ROCK1: variants seen among roughly 807,000 people sequenced by gnomAD.
ROCK1 encodes the protein rho-associated protein kinase 1.
ROCK1 carries 36 observed loss-of-function variants against 196.8 expected under a neutral mutation model. The ratio of observed to expected loss-of-function variants is 0.18; its 90% confidence interval spans 0.14 to 0.24. The LOEUF is 0.24. Among genes scored for constraint, ROCK1 ranks in the 10% least tolerant of loss-of-function variants. The pLI, the probability that ROCK1 is intolerant of heterozygous loss-of-function variation, is 1.00. For synonymous variants in ROCK1, 443 were observed against 515.9 expected (o/e 0.86, Z 1.91); for missense variants, 920 against 1,562.0 (o/e 0.59, Z 6.93).
chr18:20,959,136 ATATTATATAAAATATATATATTATATAT>A (rs2143335521), intron 29 of ROCK1, among the ~76,000 whole-genome samples: 2 of 63,690 alleles, frequency 3.1e-5, no homozygotes, highest in African/African-American at 1.6e-4. Context: ...TATATTATAT[ATATTATATAAAATATATATATTATATAT>A]TATATAATAT....
intron 1 of ROCK1, among the ~76,000 whole-genome samples, chr18:21,070,876 CT>C (rs1033240951): frequency 1.8e-4 from 28 of 152,256 alleles, no homozygotes; most frequent in African/African-American, 6.3e-4. Context: ...AATCCATGCA[CT>C]TTTCCCCTCA....
At chr18:21,087,500 T>C (rs1235826566) in intron 1 of ROCK1, among the ~76,000 whole-genome samples, 1 of 152,024 alleles carries the variant, frequency 6.6e-6, no homozygotes, top group Non-Finnish European at 1.5e-5. Context: ...CATGCAAATA[T>C]TAATCAAAAG....
intron 1 of ROCK1, among the ~76,000 whole-genome samples, chr18:21,106,371 C>T (rs527398030): frequency 1.3e-5 from 2 of 152,272 alleles, no homozygotes; most frequent in South Asian, 2.1e-4. Flanking sequence ...GGCACAATCT[C>T]GGCTCACTGC....
At chr18:21,069,949 A>C (rs1413840909) in intron 2 of ROCK1, among the ~76,000 whole-genome samples, 1 of 152,040 alleles carries the variant, frequency 6.6e-6, no homozygotes. Flanking sequence ...AAAATCAAAA[A>C]GATATGACTA....
chr18:21,072,681 C>CCA (rs779445369), intron 1 of ROCK1, among the ~76,000 whole-genome samples: 4 of 152,162 alleles, frequency 2.6e-5, no homozygotes, highest in African/African-American at 9.7e-5. Context: ...GGATATACTT[C>CCA]CACTGATCCT....
In ROCK1 at chr18:20,947,648, T is replaced by C. The variant is rs1392358227; in HGVS notation, c.*3736A>G. 2.6e-5 allele frequency: 4 copies of C among 152,208 alleles called. No individual in the cohort carries two copies. The highest frequency in any genetic ancestry group is 2.9e-5 in the Non-Finnish European group (2 of 68,048). The allele number at this position is 152,208 out of a possible 1,614,324, so 9.4% of individuals were successfully genotyped here. On this transcript the variant is annotated 3_prime_UTR_variant, in exon 33 of 33. Coordinates refer to ENST00000399799, the MANE Select transcript of ROCK1 (RefSeq NM_005406.3). ...CCCTGGGCAACATAATCTCATCGGA[T>C]TGTCATTATATGACTATTTATTAAC...
chr18:21,093,222 T>A (rs569304342), intron 1 of ROCK1, among the ~76,000 whole-genome samples: 184 of 152,322 alleles, frequency 1.2e-3, no homozygotes, highest in African/African-American at 4.3e-3. Flanking sequence ...CTACTGGCAC[T>A]CGTCTTGTAA....
intron 4 of ROCK1, among the ~76,000 whole-genome samples, chr18:21,045,916 T>G (rs1418301671): frequency 7.3e-6 from 1 of 136,600 alleles, no homozygotes; most frequent in East Asian, 2.1e-4. Context: ...TTTTTTTTTT[T>G]TTTTTTTTTT....
intron 1 of ROCK1, among the ~76,000 whole-genome samples, chr18:21,102,193 G>T (rs1329278799): frequency 2.0e-5 from 3 of 152,260 alleles, no homozygotes; most frequent in Middle Eastern, 6.8e-3. Context: ...AAAAAATTGT[G>T]ATTTTGTTTG....
At chr18:21,103,098 A>C (rs913816107) in intron 1 of ROCK1, among the ~76,000 whole-genome samples, 3 of 152,138 alleles carry the variant, frequency 2.0e-5, no homozygotes, top group Non-Finnish European at 4.4e-5. Flanking sequence ...TACACTCTAT[A>C]TTTCATAATC....
chr18:21,049,743 A>C, intron 3 of ROCK1, 37 bp downstream of exon 3: 1 of 1,180,128 alleles, frequency 8.5e-7, no homozygotes. Context: ...ATTTTAATTT[A>C]ATAAAGTCCT....
At position 21,006,394 on chromosome 18, in the gene ROCK1, T is replaced by A; in HGVS notation, c.1842A>T (p.Arg614=). Residue 614 remains arginine, a synonymous_variant, in exon 16 of 33, where the codon CGA becomes CGT. Transcript: ENST00000399799. ...TCTCAGAATCATGACCTCTGTCTCTTCGTTCAGCTTCTAATATAGCTTGCA... is the reference window on the plus strand; with the variant it reads ...TCTCAGAATCATGACCTCTGTCTCTACGTTCAGCTTCTAATATAGCTTGCA... The part of the protein sequence containing the change: ...YQLQAILEAE[R]RDRGHDSEMI... 6.2e-7 allele frequency: 1 copy of A among 1,613,342 alleles called. No individual in the cohort carries two copies. The highest frequency in any genetic ancestry group is 8.5e-7 in the Non-Finnish European group (1 of 1,179,962).
At chr18:20,993,854 TA>T (rs1351630524) in intron 16 of ROCK1, among the ~76,000 whole-genome samples, 3 of 152,204 alleles carry the variant, frequency 2.0e-5, no homozygotes, top group South Asian at 2.1e-4. Context: ...TTGTCTAGCT[TA>T]AAATAAAAAT....
At chr18:21,001,641 T>C (rs780762137) in intron 16 of ROCK1, among the ~76,000 whole-genome samples, 9 of 151,972 alleles carry the variant, frequency 5.9e-5, no homozygotes, top group Non-Finnish European at 1.2e-4. Context: ...GGCGCATGCC[T>C]GTAGTCCCAG....
chr18:21,027,787 A>G lies in ROCK1; in HGVS notation c.1211+989T>C, dbSNP rs1365158927. 1.7e-4 allele frequency among the ~76,000 whole-genome samples: 16 copies of G among 93,106 alleles called. 1 individual carries two copies. The highest frequency in any genetic ancestry group is 1.7e-3 in the Admixed American group (9 of 5,326). The allele number at this position is 93,106 out of a possible 152,430, so 61.1% of individuals were successfully genotyped here. On this transcript the variant is annotated intron_variant, in intron 10 of 32. Coordinates refer to ENST00000399799, the MANE Select transcript of ROCK1 (RefSeq NM_005406.3). The stretch of plus-strand genomic sequence containing the variant: ...TTTTTTTTTTTTTTTTTTGAGACGG[A>G]GTCTCGCTCTGTCGCCCAGGCTGGA...
chr18:20,994,697 G>T (rs1318069580), intron 16 of ROCK1, among the ~76,000 whole-genome samples: 1 of 152,104 alleles, frequency 6.6e-6, no homozygotes, highest in Non-Finnish European at 1.5e-5. Flanking sequence ...AAACTATATG[G>T]GTTGAATCCA....
At chr18:21,065,724 T>C (rs1174137441) in intron 2 of ROCK1, among the ~76,000 whole-genome samples, 2 of 152,190 alleles carry the variant, frequency 1.3e-5, no homozygotes, top group Non-Finnish European at 2.9e-5. Context: ...CCTGAAATCT[T>C]TCCTTATCAG....
chr18:21,021,733 T>C (rs956709501), intron 11 of ROCK1, among the ~76,000 whole-genome samples: 1 of 152,170 alleles, frequency 6.6e-6, no homozygotes, highest in Non-Finnish European at 1.5e-5. Context: ...CAACCACTGA[T>C]AAACTTATGG....
chr18:21,088,650 G>A (rs1254830154), intron 1 of ROCK1, among the ~76,000 whole-genome samples: 1 of 152,176 alleles, frequency 6.6e-6, no homozygotes, highest in Non-Finnish European at 1.5e-5. Flanking sequence ...AATCCCCAGA[G>A]AAACAGTGTT....
Sources: allele counts gnomAD v4.1 joint callset (sites outside exome capture counted in the v4.1 genomes callset), GRCh38; gene constraint gnomAD v4.1.1; transcripts MANE v1.5; gene names NCBI Gene and HGNC (gene_info 2026-07-23, HGNC 2026-07-21).